Variants in TPST2 observed in about 807,000 individuals in gnomAD.
TPST2 encodes tyrosylprotein sulfotransferase 2.
TPST2 carries 16 observed loss-of-function variants against 27.8 expected under a neutral mutation model. That is an observed-to-expected ratio of 0.58 (90% confidence interval 0.39 to 0.88). The LOEUF is 0.88. Among genes scored for constraint, TPST2 ranks in the 40% least tolerant of loss-of-function variants. TPST2 has a pLI of 0.00. For synonymous variants in TPST2, 229 were observed against 231.7 expected (o/e 0.99, Z 0.10); for missense variants, 464 against 543.1 (o/e 0.85, Z 1.45).
intron 1 of TPST2, among the ~76,000 whole-genome samples, chr22:26,577,550 C>T (rs1015369649): frequency 7.9e-5 from 12 of 151,410 alleles, no homozygotes; most frequent in African/African-American, 1.5e-4. Context: ...GGGGTTTCAC[C>T]GTGTTAGCCA....
At chr22:26,532,777 T>C in intron 4 of TPST2, 32 bp from the exon 5 acceptor site, 1 of 1,605,016 alleles carries the variant, frequency 6.2e-7, no homozygotes. Flanking sequence ...ATCACTATTA[T>C]GAAAATGGCC....
chr22:26,527,909 C>T (rs1312383435), intron 6 of TPST2, among the ~76,000 whole-genome samples: 1 of 152,184 alleles, frequency 6.6e-6, no homozygotes, highest in Non-Finnish European at 1.5e-5. Flanking sequence ...CCAGAATCTC[C>T]CCCTCCCCCA....
intron 1 of TPST2, among the ~76,000 whole-genome samples, chr22:26,545,348 T>C (rs1602267115): frequency 6.6e-6 from 1 of 152,166 alleles, no homozygotes; most frequent in East Asian, 1.9e-4. Flanking sequence ...TCCAGATCTG[T>C]AAGACCTTCC....
At chr22:26,573,838 G>A (rs143417667) in intron 1 of TPST2, among the ~76,000 whole-genome samples, 10 of 152,240 alleles carry the variant, frequency 6.6e-5, no homozygotes, top group African/African-American at 1.4e-4. Flanking sequence ...CTACGAATCC[G>A]GTTTCCTGAG....
intron 6 of TPST2, 110 bp downstream of exon 6, chr22:26,528,104 C>T: frequency 7.0e-6 from 9 of 1,290,780 alleles, no homozygotes; most frequent in Non-Finnish European, 9.8e-6. Flanking sequence ...CCCTAGTGGA[C>T]ATGTCTACCC....
chr22:26,562,887 T>C (rs1037249269), intron 1 of TPST2, among the ~76,000 whole-genome samples: 2 of 152,098 alleles, frequency 1.3e-5, no homozygotes, highest in Non-Finnish European at 2.9e-5. Flanking sequence ...CCTCCCAAAG[T>C]GCTGGGACCA....
At chr22:26,574,797 T>C (rs568896094) in intron 1 of TPST2, among the ~76,000 whole-genome samples, 1 of 152,028 alleles carries the variant, frequency 6.6e-6, no homozygotes, top group African/African-American at 2.4e-5. Flanking sequence ...GCACTGTGCC[T>C]ATCACCTCCC....
chr22:26,560,851 A>G (rs1927050427), intron 1 of TPST2: 6 of 1,588,560 alleles, frequency 3.8e-6, no homozygotes, highest in Non-Finnish European at 5.2e-6. Context: ...TGCTCTGCGT[A>G]TCGCCCAAAA....
At chr22:26,554,586 AACT>A (rs1926682135) in intron 1 of TPST2, among the ~76,000 whole-genome samples, 1 of 152,192 alleles carries the variant, frequency 6.6e-6, no homozygotes, top group Non-Finnish European at 1.5e-5. Context: ...GGTGTTATCT[AACT>A]ACTTTGTGCC....
intron 1 of TPST2, among the ~76,000 whole-genome samples, chr22:26,550,234 T>C (rs1359328301): frequency 6.6e-6 from 1 of 152,042 alleles, no homozygotes; most frequent in Non-Finnish European, 1.5e-5. Flanking sequence ...CTCAAGATAC[T>C]GGGATACATC....
intron 1 of TPST2, among the ~76,000 whole-genome samples, chr22:26,577,585 GTA>G (rs1183618855): frequency 2.0e-5 from 3 of 149,188 alleles, no homozygotes; most frequent in Non-Finnish European, 3.0e-5. Context: ...TCCTGACCTT[GTA>G]ATCTGCCCGC....
At chr22:26,563,900 T>C (rs1927248612) in intron 1 of TPST2, among the ~76,000 whole-genome samples, 2 of 152,166 alleles carry the variant, frequency 1.3e-5, no homozygotes, top group Non-Finnish European at 2.9e-5. Context: ...GGCGTTTCCA[T>C]GCACAATACG....
At chr22:26,563,637 C>T (rs2147222548) in intron 1 of TPST2, among the ~76,000 whole-genome samples, 1 of 152,288 alleles carries the variant, frequency 6.6e-6, no homozygotes, top group South Asian at 2.1e-4. Flanking sequence ...CCCTCCCTCC[C>T]TCTTCTTAAT....
chr22:26,589,766 C>G (rs1278198343), intron 1 of TPST2, among the ~76,000 whole-genome samples: 1 of 152,168 alleles, frequency 6.6e-6, no homozygotes, highest in East Asian at 1.9e-4. Context: ...CTCCCAGGCG[C>G]TGGGTCCGAA....
At chr22:26,551,377 T>C (rs1486012851) in intron 1 of TPST2, among the ~76,000 whole-genome samples, 1 of 152,180 alleles carries the variant, frequency 6.6e-6, no homozygotes, top group Non-Finnish European at 1.5e-5. Context: ...TTTACATATA[T>C]CATTGCATTT....
At chr22:26,538,210 G>T (rs560562181) in intron 3 of TPST2, among the ~76,000 whole-genome samples, 14 of 152,358 alleles carry the variant, frequency 9.2e-5, no homozygotes, top group Middle Eastern at 3.4e-3. Flanking sequence ...AAGACCGGGC[G>T]TGAGGTGAGG....
chr22:26,527,920 T>C (rs1383226199), intron 6 of TPST2, among the ~76,000 whole-genome samples: 5 of 152,164 alleles, frequency 3.3e-5, no homozygotes, highest in Admixed American at 2.6e-4. Context: ...CCCTCCCCCA[T>C]CATAGTGGTG....
rs4822735 is a variant in TPST2 at position 26,541,361 on chromosome 22, C to A, written c.270G>T (p.Ala90=). 9.9e-3 allele frequency: 15,356 copies of A among 1,548,548 alleles called. 1,297 individuals carry two copies. In the African/African-American group the frequency reaches 0.18, roughly 18 times the overall value. Residue 90 remains alanine (A), a synonymous_variant, in exon 3 of 7, where the codon GCG becomes GCT. Transcript: ENST00000338754. This position sits in a 1 kb window ranked among gnomAD's most constrained non-coding sequence, Gnocchi z 5.9. ...CCTCGCCGCAGCGCACCTCGGGGTG[C>A]GCGTCCAGCATGGCGCGCATCAACG... ...GTTLMRAMLD[A]HPEVRCGEET...
chr22:26,564,827 G>A (rs1927305295), intron 1 of TPST2, among the ~76,000 whole-genome samples: 1 of 152,112 alleles, frequency 6.6e-6, no homozygotes, highest in Admixed American at 6.5e-5. Flanking sequence ...CCATGGAAGG[G>A]GTATCCTTGG....
Sources: allele counts gnomAD v4.1 joint callset (sites outside exome capture counted in the v4.1 genomes callset), GRCh38; gene constraint gnomAD v4.1.1; non-coding constraint Gnocchi (gnomAD v3.1); transcripts MANE v1.5; gene names NCBI Gene and HGNC (gene_info 2026-07-23, HGNC 2026-07-21).